TBCD: variants seen among roughly 807,000 people sequenced by gnomAD.
TBCD encodes tubulin folding cofactor D.
A neutral mutation model predicts 169.3 loss-of-function variants in TBCD; 105 were observed. The ratio of observed to expected loss-of-function variants is 0.62; its 90% CI spans 0.53 to 0.73. The LOEUF (loss-of-function observed/expected upper bound fraction) is 0.73. Among genes scored for constraint, TBCD ranks in the 30% least tolerant of loss-of-function variants. The pLI is 0.00. For missense variants in TBCD, 1,444 were observed against 1,600.1 expected (o/e 0.90, Z 1.66); for synonymous variants, 700 against 643.9 (o/e 1.09, Z -1.32).
intron 13 of TBCD, among the ~76,000 whole-genome samples, chr17:82,820,698 G>A (rs1011613156): frequency 5.4e-5 from 8 of 149,522 alleles, no homozygotes; most frequent in African/African-American, 2.0e-4. Flanking sequence ...ATGTTGGTAC[G>A]CTTGATGGTG....
chr17:82,830,051 G>A, intron 13 of TBCD: 1 of 1,568,216 alleles, frequency 6.4e-7, no homozygotes, highest in Non-Finnish European at 8.7e-7. Flanking sequence ...TTGTAAAAAT[G>A]TGAAAGTGCC....
rs1258125245 is a variant in TBCD at position 82,782,129 on chromosome 17, C to G, written c.771+408C>G. Among the ~76,000 whole-genome samples the G allele has an allele frequency of 1.3e-5, 2 of 152,222 alleles. No homozygotes were observed. The highest frequency in any genetic ancestry group is 2.9e-5 in the Non-Finnish European group (2 of 68,036). The stretch of plus-strand genomic sequence containing the variant: ...CTGGGCTCGGGTTGGATGTTCCTGA[C>G]TGCTTCGTTGGGACACAGACCCTGG... On this transcript the variant is annotated intron_variant, in intron 7 of 38. Transcript: ENST00000355528. The surrounding 1 kb of genome is among the most constrained non-coding windows in gnomAD (Gnocchi z 5.1).
intron 33 of TBCD, among the ~76,000 whole-genome samples, chr17:82,931,171 C>T (rs533252464): frequency 1.3e-5 from 2 of 152,186 alleles, no homozygotes. Flanking sequence ...CCAGCATGTG[C>T]GAGGACGAGG....
At chr17:82,939,544 T>C (rs2062938458) in intron 37 of TBCD, 68 bp downstream of exon 37, 16 of 1,242,604 alleles carry the variant, frequency 1.3e-5, no homozygotes, top group Non-Finnish European at 1.8e-5. Flanking sequence ...CCCCACCGTG[T>C]CTACTCGTCT....
intron 8 of TBCD, among the ~76,000 whole-genome samples, chr17:82,798,555 C>T (rs560688331): frequency 8.9e-4 from 135 of 151,466 alleles, no homozygotes; most frequent in Admixed American, 4.5e-3. Flanking sequence ...GCTGGGATTA[C>T]AGGCGTAATA....
intron 13 of TBCD, among the ~76,000 whole-genome samples, chr17:82,847,356 G>GAAAAAAAAAAAAAAAAA (rs1041994030): frequency 1.2e-5 from 1 of 81,756 alleles, no homozygotes; most frequent in African/African-American, 4.6e-5. Context: ...CCATGTCAAA[G>GAAAAAAAAAAAAAAAAA]AAAAAAAAAA....
At chr17:82,788,575 A>G (rs1278470494) in intron 7 of TBCD, among the ~76,000 whole-genome samples, 2 of 152,220 alleles carry the variant, frequency 1.3e-5, no homozygotes, top group East Asian at 3.8e-4. Context: ...AGTCACACAC[A>G]ACAGCATTAA....
intron 13 of TBCD, among the ~76,000 whole-genome samples, chr17:82,857,341 T>C (rs1443536340): frequency 6.6e-6 from 1 of 152,236 alleles, no homozygotes; most frequent in Non-Finnish European, 1.5e-5. Context: ...TAAAGCTGTT[T>C]GTATCTTCTG....
intron 13 of TBCD, chr17:82,860,309 T>C (rs2056651329): frequency 2.1e-6 from 2 of 950,866 alleles, no homozygotes; most frequent in Non-Finnish European, 2.5e-6. Context: ...GCGGTCACGC[T>C]GCGCTGAGCG....
At chr17:82,938,807 G>A (rs973761487) in intron 36 of TBCD, among the ~76,000 whole-genome samples, 1 of 91,944 alleles carries the variant, frequency 1.1e-5, no homozygotes, top group African/African-American at 3.4e-5. Flanking sequence ...GATGAAAAGA[G>A]AGCAGGCGAG....
intron 23 of TBCD, among the ~76,000 whole-genome samples, chr17:82,917,022 T>TC (rs1160778609): frequency 9.3e-5 from 12 of 128,436 alleles, no homozygotes; most frequent in African/African-American, 3.3e-4. Context: ...TTCTTTTCTT[T>TC]TCTTTTTTTT....
chr17:82,772,205 G>A (rs1040932087), intron 5 of TBCD, among the ~76,000 whole-genome samples: 1 of 152,164 alleles, frequency 6.6e-6, no homozygotes, highest in African/African-American at 2.4e-5. Context: ...GTGTTTCAAG[G>A]GGGTGTGACC....
rs938369766 is a variant in TBCD at position 82,903,115 on chromosome 17, C to T, written c.1731-290C>T. 5.3e-5 allele frequency among the ~76,000 whole-genome samples: 8 copies of T among 152,062 alleles called. No homozygotes were observed. Among genetic ancestry groups the T allele is most frequent in the African/African-American group, 1.9e-4 (8 of 41,394 alleles). ...TCTCACACTCACAACCTCAGAGTAG[C>T]GTGGGGGTGGGGAGGCCGGACACCC... is the stretch of plus-strand genomic sequence containing the variant. On this transcript the variant is annotated intron_variant, in intron 18 of 38. Coordinates refer to ENST00000355528, the MANE Select transcript of TBCD (RefSeq NM_005993.5). This position sits in a 1 kb window ranked among gnomAD's most constrained non-coding sequence, Gnocchi z 4.8.
At position 82,909,206 on chromosome 17, in the gene TBCD, T is replaced by C; in HGVS notation, c.1984-79T>C. 4 of 1,201,860 alleles carry C rather than the reference T, an allele frequency of 3.3e-6. No individual in the cohort carries two copies. In the South Asian group the frequency reaches 5.9e-5, roughly 18 times the overall value. The allele number at this position is 1,201,860 out of a possible 1,614,324, so 74.4% of individuals were successfully genotyped here. A position where few individuals can be genotyped will look rare whatever the true frequency, so the allele number is the denominator to read the frequency against. ...ATCTTCTGCCATTTTCTCTTTGTTCTTGTTTTTGACAGTTGTTAACGTATA... is the reference window on the plus strand; with the variant it reads ...ATCTTCTGCCATTTTCTCTTTGTTCCTGTTTTTGACAGTTGTTAACGTATA... On this transcript the variant is annotated intron_variant, in intron 21 of 38. Coordinates refer to ENST00000355528, the MANE Select transcript of TBCD (RefSeq NM_005993.5).
chr17:82,781,849 C>T, intron 7 of TBCD, 128 bp downstream of exon 7: 2 of 1,432,640 alleles, frequency 1.4e-6, no homozygotes, highest in Non-Finnish European at 1.9e-6. Flanking sequence ...TTTAACCGGG[C>T]CAGGGTCTTG....
At chr17:82,779,396 C>G (rs1431859407) in intron 6 of TBCD, among the ~76,000 whole-genome samples, 1 of 152,144 alleles carries the variant, frequency 6.6e-6, no homozygotes, top group Non-Finnish European at 1.5e-5. Context: ...GCTGGGATTA[C>G]AGGGGTGAGC....
chr17:82,909,142 G>A (rs1426547524), intron 21 of TBCD, 143 bp from the exon 22 acceptor site: 3 of 587,190 alleles, frequency 5.1e-6, no homozygotes, highest in Non-Finnish European at 6.0e-6. Flanking sequence ...GTGGGCCTCC[G>A]TCCTCAGCCC....
Position 82,831,329 on chromosome 17 carries a change from C to A in TBCD, c.1318+16395C>A. 1 of 1,614,026 alleles carries A rather than the reference C, an allele frequency of 6.2e-7. No individual in the cohort carries two copies. Among genetic ancestry groups the A allele is most frequent in the Non-Finnish European group, 8.5e-7 (1 of 1,180,036 alleles). ...GCCTCAGGAATTGGACTTTCGAACT[C>A]GACGTGTTTTCTGTTGGGGTCCGAA... On this transcript the variant is annotated intron_variant, in intron 13 of 38. Coordinates refer to ENST00000355528, the MANE Select transcript of TBCD (RefSeq NM_005993.5). The surrounding 1 kb of genome is among the most constrained non-coding windows in gnomAD (Gnocchi z 4.6).
rs1356449139 is a variant in TBCD, at chr17:82,864,991, G to A, written c.1319-5233G>A. Among the ~76,000 whole-genome samples, 1 of 152,238 alleles carries A rather than the reference G, an allele frequency of 6.6e-6. No homozygotes were observed. The highest frequency in any genetic ancestry group is 1.5e-5 in the Non-Finnish European group (1 of 68,032). ...GCACCAAGTCTGTGCTTGCCCCACT[G>A]TGCAGCGTTGCAGGTGCAGCAGACA... On this transcript the variant is annotated intron_variant, in intron 13 of 38. Transcript: ENST00000355528. This position sits in a 1 kb window ranked among gnomAD's most constrained non-coding sequence, Gnocchi z 6.3.
Sources: allele counts gnomAD v4.1 joint callset (sites outside exome capture counted in the v4.1 genomes callset), GRCh38; gene constraint gnomAD v4.1.1; non-coding constraint Gnocchi (gnomAD v3.1); transcripts MANE v1.5; gene names NCBI Gene and HGNC (gene_info 2026-07-23, HGNC 2026-07-21).